LOXHD1: variants seen among roughly 807,000 people sequenced by gnomAD.
LOXHD1 encodes lipoxygenase homology domain-containing protein 1.
Under a neutral mutation model 248.2 loss-of-function variants are expected in LOXHD1, and 205 were observed. The observed-to-expected ratio is 0.83, with a 90% CI of 0.74 to 0.93. The LOEUF is 0.93. Among genes scored for constraint, LOXHD1 ranks in the 40% least tolerant of loss-of-function variants. The pLI, the probability that LOXHD1 is intolerant of heterozygous loss-of-function variation, is 0.00. For missense variants in LOXHD1, 2,930 were observed against 2,971.6 expected, an observed-to-expected ratio of 0.99 and a Z score of 0.33; for synonymous variants, 1,113 against 1,162.8, an observed-to-expected ratio of 0.96 and a Z score of 0.87.
At chr18:46,632,634 G>T (rs1159886000) in intron 4 of LOXHD1, among the ~76,000 whole-genome samples, 2 of 152,030 alleles carry the variant, frequency 1.3e-5, no homozygotes, top group Non-Finnish European at 2.9e-5. Context: ...ACAACAGAAG[G>T]GATGCCAACA....
At chr18:46,520,975 A>T in intron 33 of LOXHD1, 122 bp downstream of exon 33, 1 of 1,173,556 alleles carries the variant, frequency 8.5e-7, no homozygotes, top group Non-Finnish European at 1.2e-6. Flanking sequence ...ACCAGGCTGC[A>T]GCGCCTGCGG....
chr18:46,600,603 A>C (rs2038319912), intron 8 of LOXHD1, among the ~76,000 whole-genome samples: 1 of 132,674 alleles, frequency 7.5e-6, no homozygotes, highest in African/African-American at 2.9e-5. Context: ...TGTCCAAAAA[A>C]AAAGGAAGGA....
intron 6 of LOXHD1, among the ~76,000 whole-genome samples, chr18:46,604,562 C>G (rs2038385849): frequency 6.6e-6 from 1 of 152,210 alleles, no homozygotes; most frequent in Non-Finnish European, 1.5e-5. Flanking sequence ...CCTGGATTTG[C>G]AAACTGTGAC....
At chr18:46,544,248 A>G (rs2036697251) in intron 23 of LOXHD1, among the ~76,000 whole-genome samples, 1 of 152,186 alleles carries the variant, frequency 6.6e-6, no homozygotes, top group Admixed American at 6.5e-5. Flanking sequence ...AAAATTATGT[A>G]ATGTTTCTGA....
chr18:46,545,441 G>T lies in LOXHD1; in HGVS notation c.3515-20C>A. 6.6e-7 allele frequency: 1 copy of T among 1,514,488 alleles called. No individual in the cohort carries two copies. The highest frequency in any genetic ancestry group is 9.0e-7 in the Non-Finnish European group (1 of 1,112,950). The allele number at this position is 1,514,488 out of a possible 1,614,324, so 93.8% of individuals were successfully genotyped here. On this transcript the variant is annotated intron_variant, in intron 22 of 40. Coordinates refer to ENST00000642948, the MANE Select transcript of LOXHD1 (RefSeq NM_001384474.1). ...ATTTATCTGCCAAGAGAATAGTATA[G>T]AGCAATGAATTGTAGACTGTTCCTT...
At chr18:46,481,652 C>T (rs1477722372) in intron 40 of LOXHD1, among the ~76,000 whole-genome samples, 1 of 152,210 alleles carries the variant, frequency 6.6e-6, no homozygotes. Flanking sequence ...GGAAGAGCCC[C>T]TTCCTCACAG....
intron 12 of LOXHD1, among the ~76,000 whole-genome samples, chr18:46,585,144 C>A (rs769406791): frequency 2.6e-4 from 39 of 152,114 alleles, no homozygotes; most frequent in Non-Finnish European, 4.7e-4. Context: ...AGGACACTTT[C>A]CCCTTAAGAT....
At chr18:46,507,513 G>C in intron 36 of LOXHD1, 25 bp downstream of exon 36, 2 of 1,551,440 alleles carry the variant, frequency 1.3e-6, no homozygotes, top group Non-Finnish European at 1.7e-6. Context: ...AAGGGAGCGG[G>C]AGGTGTGAGG....
chr18:46,604,605 G>A (rs966771376), intron 6 of LOXHD1, among the ~76,000 whole-genome samples: 1 of 152,188 alleles, frequency 6.6e-6, no homozygotes, highest in Admixed American at 6.5e-5. Flanking sequence ...GCTGAAGGTT[G>A]GGATTCTGAC....
chr18:46,631,449 G>A (rs184568173), intron 4 of LOXHD1, among the ~76,000 whole-genome samples: 4 of 152,288 alleles, frequency 2.6e-5, no homozygotes, highest in Non-Finnish European at 5.9e-5. Flanking sequence ...CAGAATCACT[G>A]CACAGCAGTG....
At chr18:46,593,972 G>T (rs7243724) in intron 9 of LOXHD1, among the ~76,000 whole-genome samples, 1 of 151,986 alleles carries the variant, frequency 6.6e-6, no homozygotes, top group Admixed American at 6.5e-5. Flanking sequence ...CTTTTTAATG[G>T]CTAAAGTGTA....
intron 31 of LOXHD1, 68 bp downstream of exon 31, chr18:46,524,398 T>A: frequency 2.6e-6 from 4 of 1,519,268 alleles, no homozygotes; most frequent in Non-Finnish European, 3.6e-6. Flanking sequence ...GAATGGCTCA[T>A]CCAAGAATTG....
chr18:46,533,285 C>A lies in LOXHD1; in HGVS notation c.4252G>T (p.Ala1418Ser), dbSNP rs775953502. The A allele has an allele frequency of 1.9e-6, 3 of 1,551,666 alleles. No homozygotes were observed. In the Admixed American group the frequency reaches 5.9e-5, roughly 30 times the overall value. Residue 1418 changes from alanine (A) to serine (S), a missense_variant, in exon 28 of 41, where the codon GCC becomes TCC. Ala to Ser is a moderately conservative substitution (Grantham distance 99). Coordinates refer to ENST00000642948, the MANE Select transcript of LOXHD1 (RefSeq NM_001384474.1). ...GTCTTTTTGTCATCCTCAGAGGTGG[C>A]AAGCCACCGATCGCATGGGAAAGTC... is the stretch of plus-strand genomic sequence containing the variant. ...TLTFPCDRWL[A>S]TSEDDKKTIR...
chr18:46,570,834 G>A (rs1268122571), intron 15 of LOXHD1, among the ~76,000 whole-genome samples: 5 of 152,212 alleles, frequency 3.3e-5, no homozygotes, highest in African/African-American at 4.8e-5. Flanking sequence ...GGCCACATGC[G>A]TGCGGGCTGT....
rs2143921206 is a variant in LOXHD1 at position 46,507,716 on chromosome 18, G to A, written c.5518-4C>T. The A allele has an allele frequency of 6.5e-7, 1 of 1,547,424 alleles. No individual in the cohort carries two copies. Among genetic ancestry groups the A allele is most frequent in the African/African-American group, 1.4e-5 (1 of 73,098 alleles). On this transcript the variant is annotated splice_polypyrimidine_tract_variant and splice_region_variant and intron_variant, in intron 35 of 40. Transcript: ENST00000642948. Reference sequence around the variant, plus strand: ...TGTTCATGTTCTTCAGTAGGATCTGGGGGAGAGGGAGCCACCGTGGGAATG... The same window carrying A: ...TGTTCATGTTCTTCAGTAGGATCTGAGGGAGAGGGAGCCACCGTGGGAATG...
At chr18:46,579,517 G>A (rs1285479893) in intron 13 of LOXHD1, 113 bp downstream of exon 13, 1 of 1,393,814 alleles carries the variant, frequency 7.2e-7, no homozygotes, top group Non-Finnish European at 9.9e-7. Context: ...GCTCCTGATG[G>A]CTGAGGCCCC....
chr18:46,638,457 C>G (rs1297692272), intron 4 of LOXHD1, among the ~76,000 whole-genome samples: 1 of 152,096 alleles, frequency 6.6e-6, no homozygotes, highest in East Asian at 1.9e-4. Flanking sequence ...CATGGTGAAA[C>G]CTCGTCTCTA....
intron 2 of LOXHD1, among the ~76,000 whole-genome samples, chr18:46,647,031 T>C (rs1402923145): frequency 6.6e-6 from 1 of 152,196 alleles, no homozygotes; most frequent in East Asian, 1.9e-4. Flanking sequence ...CCAGCTGGAT[T>C]GGGGCCCTGG....
chr18:46,519,018 G>A, intron 33 of LOXHD1: 1 of 985,524 alleles, frequency 1.0e-6, no homozygotes, highest in Non-Finnish European at 1.2e-6. Flanking sequence ...ACTGGAGGGT[G>A]AGGCGCAGCC....
Sources: allele counts gnomAD v4.1 joint callset (sites outside exome capture counted in the v4.1 genomes callset), GRCh38; gene constraint gnomAD v4.1.1; transcripts MANE v1.5; gene names NCBI Gene and HGNC (gene_info 2026-07-23, HGNC 2026-07-21).